FERMT2: variants seen among roughly 807,000 people sequenced by gnomAD.
The protein encoded by FERMT2 is fermitin family homolog 2.
FERMT2 carries 15 observed loss-of-function variants against 82.7 expected under a neutral mutation model. The observed-to-expected ratio is 0.18, with a 90% CI of 0.12 to 0.28. FERMT2 has a LOEUF of 0.28. Ranked by LOEUF, FERMT2 falls within the 10% of genes least tolerant of loss-of-function variation. FERMT2 has a pLI of 1.00. For synonymous variants in FERMT2, 274 were observed against 271.5 expected (o/e 1.01, Z -0.09); for missense variants, 645 against 809.4 (o/e 0.80, Z 2.46).
chr14:52,904,441 T>A (rs1887866150), intron 3 of FERMT2, among the ~76,000 whole-genome samples: 1 of 152,052 alleles, frequency 6.6e-6, no homozygotes. Flanking sequence ...TGCTTGAACC[T>A]GGGAGGTGGA....
chr14:52,923,341 A>G (rs917151927), intron 2 of FERMT2, among the ~76,000 whole-genome samples: 1 of 152,138 alleles, frequency 6.6e-6, no homozygotes, highest in African/African-American at 2.4e-5. Context: ...GCACCACAAC[A>G]TTAGACACAG....
intron 3 of FERMT2, among the ~76,000 whole-genome samples, chr14:52,915,885 G>A (rs1162817373): frequency 1.3e-5 from 2 of 152,138 alleles, no homozygotes; most frequent in Admixed American, 6.5e-5. Context: ...AATGGTGAAC[G>A]ATAAAACAAA....
chr14:52,930,223 T>A (rs117258554), intron 2 of FERMT2, among the ~76,000 whole-genome samples: 1,799 of 152,316 alleles, frequency 0.012, 53 homozygotes, highest in East Asian at 0.074. Context: ...ACAGACATCC[T>A]GTTCTCTCTC....
At chr14:52,939,925 A>C (rs556730605) in intron 2 of FERMT2, among the ~76,000 whole-genome samples, 2 of 152,338 alleles carry the variant, frequency 1.3e-5, no homozygotes, top group African/African-American at 4.8e-5. Flanking sequence ...TCTACAATCA[A>C]TAATGCTAGC....
intron 3 of FERMT2, among the ~76,000 whole-genome samples, chr14:52,897,805 C>T (rs766843002): frequency 6.6e-6 from 1 of 151,872 alleles, no homozygotes; most frequent in African/African-American, 2.4e-5. Context: ...GGTGAAACCC[C>T]GTCTCTACTA....
chr14:52,949,715 A>G (rs899839973), intron 2 of FERMT2, among the ~76,000 whole-genome samples: 2 of 152,234 alleles, frequency 1.3e-5, no homozygotes, highest in African/African-American at 2.4e-5. Context: ...TTTGTACTCA[A>G]GCAAACACCG....
chr14:52,926,857 C>T (rs1035348891), intron 2 of FERMT2, among the ~76,000 whole-genome samples: 3 of 152,072 alleles, frequency 2.0e-5, no homozygotes, highest in African/African-American at 7.2e-5. Flanking sequence ...GTTTACTATA[C>T]CTAGCAAAAT....
chr14:52,947,218 G>A (rs1566766920), intron 2 of FERMT2, among the ~76,000 whole-genome samples: 2 of 152,144 alleles, frequency 1.3e-5, no homozygotes, highest in Non-Finnish European at 2.9e-5. Flanking sequence ...GGTGGCTCAC[G>A]TCTGCAATCT....
intron 3 of FERMT2, among the ~76,000 whole-genome samples, chr14:52,906,492 C>T (rs202213970): frequency 1.0e-5 from 1 of 96,930 alleles, no homozygotes; most frequent in Admixed American, 1.4e-4. Flanking sequence ...CTACTCAATA[C>T]AAAAAAATCC....
rs1468861596 is a variant in FERMT2 at position 52,948,598 on chromosome 14, A to G, written c.157+1814T>C. ...TCTTTTCTCTGCATAAAAAATTAAA[A>G]ATGTATCAGCATTAAAAGATTAAGA... On this transcript the variant is annotated intron_variant, in intron 2 of 14. Transcript: ENST00000341590. 3 of 455,672 alleles carry G rather than the reference A, an allele frequency of 6.6e-6. No homozygotes were observed. In the Admixed American group the frequency reaches 7.1e-5, roughly 11 times the overall value. 28.2% of individuals were successfully genotyped at this position (455,672 alleles called of 1,614,324 possible).
intron 2 of FERMT2, among the ~76,000 whole-genome samples, chr14:52,931,833 T>C (rs1053441483): frequency 6.6e-6 from 1 of 152,062 alleles, no homozygotes; most frequent in Non-Finnish European, 1.5e-5. Context: ...ATAGAGACCA[T>C]TCTGGCTAAC....
rs769262576 is a variant in FERMT2, at chr14:52,858,527, T to C, written c.1893A>G (p.Glu631=). 6.2e-7 allele frequency: 1 copy of C among 1,614,086 alleles called. No individual in the cohort carries two copies. The highest frequency in any genetic ancestry group is 1.7e-5 in the Admixed American group (1 of 60,022). ...IKMVTVEFAD[E]VRLSFICTEV... ...CAGTACAAATGAAGGACAATCGTAC[T>C]TCATCTGCAAACTCTACGGTGACCT... The change falls in exon 15 of 15, where the codon GAA becomes GAG. Residue 631 remains glutamate, a synonymous_variant. Transcript: ENST00000341590.
intron 2 of FERMT2, among the ~76,000 whole-genome samples, chr14:52,920,119 AT>A (rs1271456574): frequency 6.6e-6 from 1 of 152,190 alleles, no homozygotes; most frequent in Non-Finnish European, 1.5e-5. Context: ...TTTACACAAG[AT>A]TTAGCTACCC....
Position 52,858,169 on chromosome 14 carries a change from T to A in FERMT2, c.*208A>T, listed in dbSNP as rs1011099388. 13 of 514,692 alleles carry A rather than the reference T, an allele frequency of 2.5e-5. No individual in the cohort carries two copies. The highest frequency in any genetic ancestry group is 2.3e-4 in the African/African-American group (12 of 52,556). 31.9% of individuals were successfully genotyped at this position (514,692 alleles called of 1,614,324 possible). On this transcript the variant is annotated 3_prime_UTR_variant, in exon 15 of 15. Transcript: ENST00000341590. ...TTTCAATTCATGGCCCTAAGGAATG[T>A]GTGACAAATTCAAGTTTATTATATC...
chr14:52,881,832 T>C lies in FERMT2; in HGVS notation c.527-363A>G, dbSNP rs768170447. ...CCAATGTAAAGAACATCAGTGCCTA[T>C]AGGAAAGGAAAGAAAGGAATTCAGA... is the stretch of plus-strand genomic sequence containing the variant. On this transcript the variant is annotated intron_variant, in intron 4 of 14. Coordinates refer to ENST00000341590, the MANE Select transcript of FERMT2 (RefSeq NM_006832.3). The C allele has an allele frequency of 3.9e-5, 50 of 1,280,134 alleles. 3 individuals are homozygous for C. In the South Asian group the frequency reaches 4.7e-4, roughly 12 times the overall value. 79.3% of individuals were successfully genotyped at this position (1,280,134 alleles called of 1,614,324 possible).
At chr14:52,942,436 G>C (rs185702099) in intron 2 of FERMT2, among the ~76,000 whole-genome samples, 156 of 151,460 alleles carry the variant, frequency 1.0e-3, no homozygotes, top group African/African-American at 3.6e-3. Context: ...CCGAGTAGCT[G>C]CAACTACAGG....
chr14:52,906,139 T>C (rs916373485), intron 3 of FERMT2, among the ~76,000 whole-genome samples: 1 of 151,940 alleles, frequency 6.6e-6, no homozygotes, highest in South Asian at 2.1e-4. Context: ...AGTTGAGAGA[T>C]CTGGGATGGC....
intron 13 of FERMT2, 22 bp from the exon 14 acceptor site, chr14:52,859,736 C>T (rs3818453): frequency 6.7e-7 from 1 of 1,501,848 alleles, no homozygotes; most frequent in South Asian, 1.3e-5. Context: ...AAGAAAAGAA[C>T]GGTTAAAAAC....
At chr14:52,907,184 T>C (rs929413364) in intron 3 of FERMT2, among the ~76,000 whole-genome samples, 3 of 152,088 alleles carry the variant, frequency 2.0e-5, no homozygotes, top group Non-Finnish European at 4.4e-5. Flanking sequence ...AGCTAATTTT[T>C]TGGTATTTTT....
Sources: allele counts gnomAD v4.1 joint callset (sites outside exome capture counted in the v4.1 genomes callset), GRCh38; gene constraint gnomAD v4.1.1; transcripts MANE v1.5; gene names NCBI Gene and HGNC (gene_info 2026-07-23, HGNC 2026-07-21).